DNAL1: variants seen among roughly 807,000 people sequenced by gnomAD.
The protein encoded by DNAL1 is dynein axonemal light chain 1, also known as chromosome 14 open reading frame 168.
DNAL1 carries 17 observed loss-of-function variants against 29.4 expected under a neutral mutation model. That is an observed-to-expected ratio of 0.58 (90% CI 0.40 to 0.87). The LOEUF (loss-of-function observed/expected upper bound fraction) is 0.87. DNAL1 is among the 40% of genes least tolerant of loss of function. DNAL1 has a pLI of 0.00. For missense variants in DNAL1, 188 were observed against 214.1 expected (o/e 0.88, Z 0.76); for synonymous variants, 78 against 76.3 (o/e 1.02, Z -0.12).
At chr14:73,669,242 C>G (rs952128749) in intron 4 of DNAL1, among the ~76,000 whole-genome samples, 5 of 152,102 alleles carry the variant, frequency 3.3e-5, no homozygotes, top group African/African-American at 1.2e-4. Flanking sequence ...CTCAGCCTCC[C>G]TGAGTAGCTA....
At chr14:73,661,699 G>A (rs1218800786) in intron 3 of DNAL1, among the ~76,000 whole-genome samples, 21 of 151,848 alleles carry the variant, frequency 1.4e-4, no homozygotes, top group Admixed American at 1.4e-3. Context: ...GAACTGAAAT[G>A]GTGCCACTGC....
intron 5 of DNAL1, chr14:73,672,849 G>A (rs12897801): frequency 0.19 from 27,730 of 149,072 alleles, 3,078 homozygotes; most frequent in African/African-American, 0.32. Context: ...TCCGCCTCCC[G>A]GGTTCATGCC....
chr14:73,677,342 C>T (rs1416050480), intron 5 of DNAL1, among the ~76,000 whole-genome samples: 2 of 145,388 alleles, frequency 1.4e-5, no homozygotes, highest in South Asian at 2.2e-4. Context: ...TTGATTTTTT[C>T]TTTTTTTTTT....
rs190519374 is a variant in DNAL1 at position 73,649,124 on chromosome 14, G to A, written c.3+4082G>A. On this transcript the variant is annotated intron_variant, in intron 1 of 7. Coordinates refer to ENST00000553645, the MANE Select transcript of DNAL1 (RefSeq NM_031427.4). The stretch of plus-strand genomic sequence containing the variant: ...CGAATAGCTGGAATTACAGGCACCC[G>A]CCACCACGCCTGGCTAATTTTCATA... Among the ~76,000 whole-genome samples the A allele has an allele frequency of 4.6e-3, 705 of 151,618 alleles. 6 individuals are homozygous for A. The highest frequency in any genetic ancestry group is 0.017 in the African/African-American group (684 of 41,366).
Position 73,698,510 on chromosome 14 carries a change from TTTCTA to T in DNAL1, c.*2573_*2577del, listed in dbSNP as rs1170542260. On this transcript the variant is annotated 3_prime_UTR_variant, in exon 8 of 8. Coordinates refer to ENST00000553645, the MANE Select transcript of DNAL1 (RefSeq NM_031427.4). Reference sequence around the variant, plus strand: ...CCATTTTAGTGGATCATTTAAATTTTTTCTATTCTGTTTTTTTTTGTTTGTTTGTT... The same window carrying T: ...CCATTTTAGTGGATCATTTAAATTTTTTCTGTTTTTTTTTGTTTGTTTGTT... The T allele has an allele frequency of 3.9e-5, 6 of 152,008 alleles. No individual in the cohort carries two copies. The highest frequency in any genetic ancestry group is 1.9e-4 in the East Asian group (1 of 5,194). 9.4% of individuals were successfully genotyped at this position (152,008 alleles called of 1,614,324 possible).
chr14:73,692,625 GAATAA>G (rs981598173), intron 7 of DNAL1, among the ~76,000 whole-genome samples: 12 of 150,168 alleles, frequency 8.0e-5, no homozygotes, highest in African/African-American at 2.9e-4. Context: ...AAAAAAAAAA[GAATAA>G]AATAGAACCA....
intron 7 of DNAL1, among the ~76,000 whole-genome samples, chr14:73,694,842 A>G (rs1181583168): frequency 4.0e-5 from 6 of 151,850 alleles, no homozygotes; most frequent in Non-Finnish European, 5.9e-5. Flanking sequence ...GGCATGCGCC[A>G]CAACAGCCAG....
intron 1 of DNAL1, among the ~76,000 whole-genome samples, chr14:73,647,400 G>GAA (rs1891006733): frequency 2.1e-5 from 3 of 141,806 alleles, no homozygotes; most frequent in African/African-American, 9.0e-5. Flanking sequence ...AAAAGAAAAA[G>GAA]AAATATGTTT....
At chr14:73,662,182 C>A (rs1595207412) in intron 4 of DNAL1, 140 bp downstream of exon 4, 2 of 678,726 alleles carry the variant, frequency 2.9e-6, no homozygotes, top group East Asian at 5.8e-5. Context: ...TAAACTATGT[C>A]TTAAGTTTGA....
chr14:73,648,816 G>C (rs1192455957), intron 1 of DNAL1, among the ~76,000 whole-genome samples: 2 of 150,964 alleles, frequency 1.3e-5, no homozygotes, highest in Non-Finnish European at 2.9e-5. Context: ...CGAATTTTAG[G>C]CATTCCTTGT....
At chr14:73,653,536 TTTGTAGAGATGGAGTCTCTCTATG>T (rs1891153180) in intron 1 of DNAL1, among the ~76,000 whole-genome samples, 2 of 151,956 alleles carry the variant, frequency 1.3e-5, no homozygotes, top group Non-Finnish European at 2.9e-5. Context: ...TTAATTTTGT[TTTGTAGAGATGGAGTCTCTCTATG>T]TTGCCCAGGC....
At chr14:73,686,768 G>A (rs1892027820) in intron 5 of DNAL1, among the ~76,000 whole-genome samples, 1 of 152,134 alleles carries the variant, frequency 6.6e-6, no homozygotes, top group African/African-American at 2.4e-5. Context: ...TGTTGGAGAA[G>A]ACCCTGAATT....
chr14:73,668,481 C>T (rs765199578), intron 4 of DNAL1, among the ~76,000 whole-genome samples: 11 of 152,118 alleles, frequency 7.2e-5, no homozygotes, highest in Non-Finnish European at 1.2e-4. Context: ...ATTTAATTTT[C>T]ATAAATTTAT....
chr14:73,658,793 T>A (rs1216430774), intron 2 of DNAL1, 54 bp from the exon 3 acceptor site: 1 of 1,403,800 alleles, frequency 7.1e-7, no homozygotes, highest in Non-Finnish European at 9.9e-7. Context: ...CTGGCCTCTT[T>A]TGTTTCCACA....
intron 5 of DNAL1, among the ~76,000 whole-genome samples, chr14:73,684,634 C>T (rs561224475): frequency 6.6e-6 from 1 of 152,146 alleles, no homozygotes; most frequent in Non-Finnish European, 1.5e-5. Flanking sequence ...TGGTGGCTCA[C>T]GCCTATAGTC....
Position 73,696,137 on chromosome 14 carries a change from A to T in DNAL1, c.*195A>T. On this transcript the variant is annotated 3_prime_UTR_variant, in exon 8 of 8. Transcript: ENST00000553645. Reference sequence around the variant, plus strand: ...CCAAAACTGGTAATGCCAACCTTATATATCCTATTTCTCTTTTTAGAAACC... The same window carrying T: ...CCAAAACTGGTAATGCCAACCTTATTTATCCTATTTCTCTTTTTAGAAACC... 1 of 553,746 alleles carries T rather than the reference A, an allele frequency of 1.8e-6. No individual in the cohort carries two copies. The highest frequency in any genetic ancestry group is 3.1e-6 in the Non-Finnish European group (1 of 326,112). The allele number at this position is 553,746 out of a possible 1,614,324, so 34.3% of individuals were successfully genotyped here. A position where few individuals can be genotyped will look rare whatever the true frequency, so the allele number is the denominator to read the frequency against.
At chr14:73,692,269 G>A (rs1365555092) in intron 7 of DNAL1, among the ~76,000 whole-genome samples, 3 of 152,106 alleles carry the variant, frequency 2.0e-5, no homozygotes, top group South Asian at 2.1e-4. Context: ...ATCACCTGAG[G>A]TCAGGAGTTT....
In DNAL1 at chr14:73,667,476, C is replaced by G. The variant is rs190385216; in HGVS notation, c.209-4066C>G. 2.0e-4 allele frequency among the ~76,000 whole-genome samples: 31 copies of G among 152,204 alleles called. No homozygotes were observed. In the East Asian group the frequency reaches 5.8e-3, roughly 28 times the overall value. ...CAAAACTGAGTCTTGATATATTCCCCTAGCCCCAGATAAACCAACTCCTTG... is the reference window on the plus strand; with the variant it reads ...CAAAACTGAGTCTTGATATATTCCCGTAGCCCCAGATAAACCAACTCCTTG... On this transcript the variant is annotated intron_variant, in intron 4 of 7. Transcript: ENST00000553645.
chr14:73,664,330 T>C (rs1891425491), intron 4 of DNAL1, among the ~76,000 whole-genome samples: 1 of 152,218 alleles, frequency 6.6e-6, no homozygotes, highest in African/African-American at 2.4e-5. Context: ...TCATCACTGA[T>C]AACAGAGTTT....
Sources: gnomAD v4.1 joint callset for allele counts (sites outside exome capture counted in the v4.1 genomes callset) on GRCh38, gnomAD v4.1.1 for gene constraint, MANE v1.5 for transcripts, NCBI Gene and HGNC (gene_info 2026-07-23, HGNC 2026-07-21) for gene names.